ASRGL1: variants seen among roughly 807,000 people sequenced by gnomAD.
The protein encoded by ASRGL1 is isoaspartyl peptidase/L-asparaginase.
ASRGL1 carries 16 observed loss-of-function variants against 22.4 expected under a neutral mutation model. The ratio of observed to expected loss-of-function variants is 0.71; its 90% CI spans 0.48 to 1.08. The LOEUF is 1.08. ASRGL1 is among the 50% of genes least tolerant of loss of function. The pLI is 0.00. For missense variants in ASRGL1, 412 were observed against 410.1 expected, an observed-to-expected ratio of 1.00 and a Z score of -0.04; for synonymous variants, 165 against 159.3, an observed-to-expected ratio of 1.04 and a Z score of -0.27.
At chr11:62,341,282 T>C (rs1186732915) in intron 2 of ASRGL1, among the ~76,000 whole-genome samples, 2 of 149,658 alleles carry the variant, frequency 1.3e-5, no homozygotes, top group Non-Finnish European at 3.0e-5. Flanking sequence ...CACTGCAAGC[T>C]CCACCTCTCA....
intron 4 of ASRGL1, among the ~76,000 whole-genome samples, chr11:62,363,123 C>T (rs969111096): frequency 9.3e-5 from 14 of 150,716 alleles, no homozygotes; most frequent in Admixed American, 2.7e-4. Context: ...TTAGTAGAGA[C>T]GGGGTTTCAC....
At chr11:62,341,966 T>G (rs1387852595) in intron 2 of ASRGL1, among the ~76,000 whole-genome samples, 1 of 152,180 alleles carries the variant, frequency 6.6e-6, no homozygotes, top group Non-Finnish European at 1.5e-5. Context: ...GAACATTAAT[T>G]TATTTTATTT....
At chr11:62,370,912 A>G (rs965478889) in intron 4 of ASRGL1, among the ~76,000 whole-genome samples, 1 of 152,098 alleles carries the variant, frequency 6.6e-6, no homozygotes, top group Non-Finnish European at 1.5e-5. Flanking sequence ...CATTCTGTTT[A>G]CCATGTGATA....
intron 4 of ASRGL1, chr11:62,371,901 C>T: frequency 1.8e-6 from 1 of 564,278 alleles, no homozygotes; most frequent in South Asian, 2.1e-5. Context: ...TTGCAGTGGG[C>T]CGAGATCGCG....
In ASRGL1 at chr11:62,357,011, C is replaced by A. The variant is rs1946314144; in HGVS notation, c.358C>A (p.Gln120Lys). The change falls in exon 4 of 7, where the codon CAA becomes AAA. Residue 120 changes from glutamine to lysine, a missense_variant. By Grantham distance (53) the Gln-to-Lys change is moderately conservative (BLOSUM62 1). Transcript: ENST00000415229. ...EKTPHCFLTD[Q>K]GAAQFAAAMG... ...GACACCTCATTGCTTTCTGACTGAC[C>A]AAGGCGCAGCGCAGTTTGCAGCAGC... The A allele has an allele frequency of 6.2e-7, 1 of 1,611,246 alleles. No individual in the cohort carries two copies.
At chr11:62,396,035 A>G (rs1381870815), downstream of ASRGL1, among the ~76,000 whole-genome samples, 2 of 151,784 alleles carry the variant, frequency 1.3e-5, no homozygotes, top group East Asian at 1.9e-4. Flanking sequence ...CGGCCCCCCA[A>G]AGTGCTGGGA....
Position 62,392,275 on chromosome 11 carries a change from C to A in ASRGL1, c.918C>A (p.Asp306Glu), listed in dbSNP as rs372132075. 6.2e-7 allele frequency: 1 copy of A among 1,613,530 alleles called. No individual in the cohort carries two copies. The highest frequency in any genetic ancestry group is 1.3e-5 in the African/African-American group (1 of 74,916). Residue 306 changes from aspartate to glutamate, a missense_variant, in exon 7 of 7, where the codon GAC (aspartate) becomes GAA (glutamate). Coordinates refer to ENST00000415229, the MANE Select transcript of ASRGL1 (RefSeq NM_001083926.2). Reference protein sequence around the residue: ...GIDPDDTTITDLP With the variant: ...GIDPDDTTITELP ...ATCCTGACGATACTACTATCACCGA[C>A]CTTCCCTAAGCCGCTGGAAGATTGT...
chr11:62,366,810 T>C (rs1375315291), intron 4 of ASRGL1, among the ~76,000 whole-genome samples: 2 of 152,178 alleles, frequency 1.3e-5, no homozygotes, highest in East Asian at 3.9e-4. Flanking sequence ...TGTACCTGGC[T>C]CTTTCTTATG....
chr11:62,371,418 C>T (rs11231058), intron 4 of ASRGL1: 225,976 of 574,784 alleles, frequency 0.39, 47,119 homozygotes, highest in Non-Finnish European at 0.43. Context: ...CCAAGAAGCA[C>T]GTCAAACTTG....
intron 4 of ASRGL1, among the ~76,000 whole-genome samples, chr11:62,367,356 G>C (rs1946637198): frequency 6.7e-6 from 1 of 149,236 alleles, no homozygotes; most frequent in African/African-American, 2.5e-5. Context: ...AAAAGAGAGA[G>C]ATTTTAGGGC....
intron 4 of ASRGL1, among the ~76,000 whole-genome samples, chr11:62,367,869 G>A (rs1251135458): frequency 1.2e-4 from 18 of 152,168 alleles, no homozygotes; most frequent in African/African-American, 4.3e-4. Context: ...TTGAACCCAC[G>A]AGGCAGAGGT....
intron 2 of ASRGL1, among the ~76,000 whole-genome samples, chr11:62,354,722 G>A (rs1414324385): frequency 6.6e-6 from 1 of 152,086 alleles, no homozygotes; most frequent in Non-Finnish European, 1.5e-5. Flanking sequence ...GTTTATTTCT[G>A]GAATTTTCCA....
At chr11:62,367,855 T>G (rs1046294539) in intron 4 of ASRGL1, among the ~76,000 whole-genome samples, 1 of 151,876 alleles carries the variant, frequency 6.6e-6, no homozygotes, top group African/African-American at 2.4e-5. Context: ...GGCAGGAGAA[T>G]AGCTTGAACC....
At position 62,356,312 on chromosome 11, in the gene ASRGL1, T is replaced by G; in HGVS notation, c.191-13T>G. 1 of 1,611,826 alleles carries G rather than the reference T, an allele frequency of 6.2e-7. No homozygotes were observed. The highest frequency in any genetic ancestry group is 8.5e-7 in the Non-Finnish European group (1 of 1,178,610). ...TTCTTAATTCTTGCTTTTCAACTTCTTTTTGGTTTTAGGTTGTGGGTCTGT... is the reference window on the plus strand; with the variant it reads ...TTCTTAATTCTTGCTTTTCAACTTCGTTTTGGTTTTAGGTTGTGGGTCTGT... On this transcript the variant is annotated splice_polypyrimidine_tract_variant and intron_variant, in intron 2 of 6. Coordinates refer to ENST00000415229, the MANE Select transcript of ASRGL1 (RefSeq NM_001083926.2).
In ASRGL1 at chr11:62,392,682, G is replaced by A; in HGVS notation, c.*398G>A. The A allele has an allele frequency of 4.3e-6, 1 of 230,372 alleles. No homozygotes were observed. Among genetic ancestry groups the A allele is most frequent in the South Asian group, 6.2e-5 (1 of 16,054 alleles). 14.3% of individuals were successfully genotyped at this position (230,372 alleles called of 1,614,324 possible). A position where few individuals can be genotyped will look rare whatever the true frequency, so the allele number is the denominator to read the frequency against. On this transcript the variant is annotated 3_prime_UTR_variant, in exon 7 of 7. Coordinates refer to ENST00000415229, the MANE Select transcript of ASRGL1 (RefSeq NM_001083926.2). ...GACACTGTGGGCTGGAAGGTGGGAAGGGAGGGGCCGGTGGAGGTGGAGCTG... is the reference window on the plus strand; with the variant it reads ...GACACTGTGGGCTGGAAGGTGGGAAAGGAGGGGCCGGTGGAGGTGGAGCTG...
intron 4 of ASRGL1, among the ~76,000 whole-genome samples, chr11:62,378,428 G>A (rs949983915): frequency 6.6e-6 from 1 of 151,748 alleles, no homozygotes. Context: ...GGACTATTAA[G>A]CATTCCCTGA....
chr11:62,391,654 T>A, intron 6 of ASRGL1, 22 bp downstream of exon 6: 1 of 1,581,424 alleles, frequency 6.3e-7, no homozygotes, highest in Non-Finnish European at 8.6e-7. Flanking sequence ...ACAGGACAAG[T>A]AAAATAATTT....
At chr11:62,369,431 C>G (rs1259166114) in intron 4 of ASRGL1, among the ~76,000 whole-genome samples, 8 of 152,104 alleles carry the variant, frequency 5.3e-5, no homozygotes, top group Non-Finnish European at 1.0e-4. Context: ...CAGTAACAGT[C>G]TGATCTCTCT....
rs112290691 is a variant in ASRGL1, at chr11:62,349,381, T to G, written c.191-6944T>G. On this transcript the variant is annotated intron_variant, in intron 2 of 6. Transcript: ENST00000415229. ...TTAGCTCTGCCCAATAGCCCAGGAA[T>G]AATTAAGGGAAAGGCAAGATGGGGT... Among the ~76,000 whole-genome samples, 777 of 152,304 alleles carry G rather than the reference T, an allele frequency of 5.1e-3. 2 individuals carry two copies. The highest frequency in any genetic ancestry group is 0.015 in the African/African-American group (618 of 41,562).
Sources: gnomAD v4.1 joint callset for allele counts (sites outside exome capture counted in the v4.1 genomes callset) on GRCh38, gnomAD v4.1.1 for gene constraint, MANE v1.5 for transcripts, NCBI Gene and HGNC (gene_info 2026-07-23, HGNC 2026-07-21) for gene names.